CAMTA1: variants seen among roughly 807,000 people sequenced by gnomAD.
CAMTA1 encodes the protein calmodulin binding transcription activator 1, also known as calmodulin-binding transcription activator 1.
CAMTA1 carries 27 observed loss-of-function variants against 170.9 expected under a neutral mutation model. The ratio of observed to expected loss-of-function variants is 0.16; its 90% CI spans 0.12 to 0.22. The LOEUF is 0.22. Among genes scored for constraint, CAMTA1 ranks in the 10% least tolerant of loss-of-function variants. CAMTA1 has a pLI of 1.00. For synonymous variants in CAMTA1, 833 were observed against 891.5 expected (o/e 0.93, Z 1.17); for missense variants, 1,619 against 2,217.2 (o/e 0.73, Z 5.42).
In CAMTA1 at chr1:7,041,233, C is replaced by T. The variant is rs763196585; in HGVS notation, c.235-50071C>T. 1.3e-5 allele frequency among the ~76,000 whole-genome samples: 2 copies of T among 152,242 alleles called. No homozygotes were observed. The highest frequency in any genetic ancestry group is 2.9e-5 in the Non-Finnish European group (2 of 68,048). ...ACGGCCCCGGAGCTGGAGCTTCTACCGAAGGGTTGCCCTCTGTCCCCTTCT... is the reference window on the plus strand; with the variant it reads ...ACGGCCCCGGAGCTGGAGCTTCTACTGAAGGGTTGCCCTCTGTCCCCTTCT... On this transcript the variant is annotated intron_variant, in intron 3 of 22. Transcript: ENST00000303635. The surrounding 1 kb of genome is among the most constrained non-coding windows in gnomAD (Gnocchi z 5.1).
chr1:7,130,334 C>A (rs547833397), intron 4 of CAMTA1, among the ~76,000 whole-genome samples: 1 of 152,026 alleles, frequency 6.6e-6, no homozygotes. Context: ...AGTAGTATTC[C>A]GTTTTATAGA....
At chr1:7,550,889 C>G (rs910671164) in intron 6 of CAMTA1, among the ~76,000 whole-genome samples, 1 of 151,924 alleles carries the variant, frequency 6.6e-6, no homozygotes, top group Non-Finnish European at 1.5e-5. Flanking sequence ...CTCTCCCAGG[C>G]CCAGCAGCAG....
intron 1 of CAMTA1, among the ~76,000 whole-genome samples, chr1:6,798,894 G>T (rs1350574513): frequency 1.3e-5 from 2 of 151,772 alleles, no homozygotes; most frequent in Non-Finnish European, 2.9e-5. Context: ...CCACCTCCAC[G>T]CCTGGCTAAA....
rs75331045 is a variant in CAMTA1, at chr1:7,267,750, A to G, written c.438+18124A>G. Among the ~76,000 whole-genome samples the G allele has an allele frequency of 1.4e-3, 207 of 152,190 alleles. 1 individual carries two copies. The highest frequency in any genetic ancestry group is 4.7e-3 in the African/African-American group (196 of 41,512). Reference sequence around the variant, plus strand: ...AGTCATTTGCTGAGATGGCAAAGGGATTGGTTGTCATGAGGGCTGCTAGTG... The same window carrying G: ...AGTCATTTGCTGAGATGGCAAAGGGGTTGGTTGTCATGAGGGCTGCTAGTG... On this transcript the variant is annotated intron_variant, in intron 5 of 22. Transcript: ENST00000303635.
At chr1:7,162,119 A>G (rs1164268533) in intron 4 of CAMTA1, among the ~76,000 whole-genome samples, 1 of 152,192 alleles carries the variant, frequency 6.6e-6, no homozygotes, top group Non-Finnish European at 1.5e-5. Context: ...TTAGAGGAAT[A>G]GAAAGAAGGC....
chr1:7,571,243 C>A (rs1272580411), intron 6 of CAMTA1, among the ~76,000 whole-genome samples: 4 of 152,172 alleles, frequency 2.6e-5, no homozygotes, highest in African/African-American at 9.7e-5. Context: ...CTTCTCACTG[C>A]GTCCTCACAG....
chr1:6,997,521 A>C (rs537681099), intron 3 of CAMTA1, among the ~76,000 whole-genome samples: 1 of 151,884 alleles, frequency 6.6e-6, no homozygotes, highest in Non-Finnish European at 1.5e-5. Flanking sequence ...GTTTTTACAC[A>C]TCTCTCTAAT....
Position 7,158,275 on chromosome 1 carries a change from A to G in CAMTA1, c.302+66904A>G, listed in dbSNP as rs542679674. On this transcript the variant is annotated intron_variant, in intron 4 of 22. Transcript: ENST00000303635. The stretch of plus-strand genomic sequence containing the variant: ...AGAGTACATGTTATATGTTTCATTT[A>G]TATCAACTTCTAGATTAGGCAAAAG... Among the ~76,000 whole-genome samples, 4 of 152,348 alleles carry G rather than the reference A, an allele frequency of 2.6e-5. No homozygotes were observed. In the East Asian group the frequency reaches 5.8e-4, roughly 22 times the overall value.
intron 6 of CAMTA1, among the ~76,000 whole-genome samples, chr1:7,590,000 C>A (rs1223079215): frequency 2.6e-5 from 4 of 152,148 alleles, no homozygotes; most frequent in Admixed American, 1.3e-4. Context: ...CCTTTGCACA[C>A]CCTGGCTTGG....
At chr1:7,660,464 C>T (rs773920094) in intron 7 of CAMTA1, among the ~76,000 whole-genome samples, 4 of 152,174 alleles carry the variant, frequency 2.6e-5, no homozygotes, top group Non-Finnish European at 5.9e-5. Context: ...CTTGAACCCA[C>T]GAGGCCGAGT....
chr1:7,575,453 A>C (rs551993954), intron 6 of CAMTA1, among the ~76,000 whole-genome samples: 1 of 152,332 alleles, frequency 6.6e-6, no homozygotes, highest in East Asian at 1.9e-4. Context: ...GGCAGAATCC[A>C]GTTTACAGAA....
chr1:7,027,409 C>G (rs577348835), intron 3 of CAMTA1, among the ~76,000 whole-genome samples: 1 of 152,140 alleles, frequency 6.6e-6, no homozygotes, highest in African/African-American at 2.4e-5. Flanking sequence ...GGGGAAGGGA[C>G]AAGTTGAACC....
chr1:7,394,744 G>A (rs1182441822), intron 5 of CAMTA1, among the ~76,000 whole-genome samples: 1 of 151,138 alleles, frequency 6.6e-6, no homozygotes, highest in African/African-American at 2.4e-5. Context: ...TGCTTTTGAG[G>A]TATTATTTTT....
At position 7,213,526 on chromosome 1, in the gene CAMTA1, G is replaced by A. The variant is rs146890826; in HGVS notation, c.303-35965G>A. ...ATACCAGTCATTTTTCTGAGAGGTG[G>A]TTTGCAAATATTTTCTCCTAATTTG... On this transcript the variant is annotated intron_variant, in intron 4 of 22. Transcript: ENST00000303635. Among the ~76,000 whole-genome samples the A allele has an allele frequency of 6.5e-3, 988 of 152,084 alleles. 6 individuals carry two copies. The highest frequency in any genetic ancestry group is 0.023 in the African/African-American group (945 of 41,476).
chr1:7,252,699 T>C (rs1230855542), intron 5 of CAMTA1, among the ~76,000 whole-genome samples: 2 of 152,236 alleles, frequency 1.3e-5, no homozygotes, highest in Non-Finnish European at 2.9e-5. Flanking sequence ...CCAGCTACTC[T>C]TCTGCTGGTT....
rs1473221842 is a variant in CAMTA1 at position 6,963,281 on chromosome 1, C to G, written c.235-128023C>G. Among the ~76,000 whole-genome samples, 6 of 74,854 alleles carry G rather than the reference C, an allele frequency of 8.0e-5. 1 individual carries two copies. The highest frequency in any genetic ancestry group is 2.5e-4 in the African/African-American group (6 of 24,350). 49.1% of individuals were successfully genotyped at this position (74,854 alleles called of 152,430 possible). ...CCTCCCACCCACCTGGCCCCCCCCC[C>G]CCCCCCGCTTTCCATCCCGGCCTTG... is the stretch of plus-strand genomic sequence containing the variant. On this transcript the variant is annotated intron_variant, in intron 3 of 22. Coordinates refer to ENST00000303635, the MANE Select transcript of CAMTA1 (RefSeq NM_015215.4).
Position 7,070,473 on chromosome 1 carries a change from A to G in CAMTA1, c.235-20831A>G, listed in dbSNP as rs568907276. On this transcript the variant is annotated intron_variant, in intron 3 of 22. Coordinates refer to ENST00000303635, the MANE Select transcript of CAMTA1 (RefSeq NM_015215.4). ...GTCGCTGTTGTCTTCCCGCAGCGAT[A>G]GAATGAGGCTCTGCAGTGATTTCTT... is the stretch of plus-strand genomic sequence containing the variant. Among the ~76,000 whole-genome samples, 3 of 152,362 alleles carry G rather than the reference A, an allele frequency of 2.0e-5. No homozygotes were observed. The East Asian group carries it at 5.8e-4, about 29-fold the overall frequency.
rs560360742 is a variant in CAMTA1 at position 7,064,852 on chromosome 1, C to T, written c.235-26452C>T. ...GTTGGTCTAGGAGCTGGTTGGGTGA[C>T]TCCTGCTGCCATCTAGGCAAGACAT... On this transcript the variant is annotated intron_variant, in intron 3 of 22. Transcript: ENST00000303635. This position sits in a 1 kb window ranked among gnomAD's most constrained non-coding sequence, Gnocchi z 5.4. 6.6e-6 allele frequency among the ~76,000 whole-genome samples: 1 copy of T among 152,128 alleles called. No individual in the cohort carries two copies. Among genetic ancestry groups the T allele is most frequent in the East Asian group, 1.9e-4 (1 of 5,170 alleles).
chr1:7,104,725 A>G (rs1397200757), intron 4 of CAMTA1, among the ~76,000 whole-genome samples: 1 of 152,154 alleles, frequency 6.6e-6, no homozygotes, highest in Non-Finnish European at 1.5e-5. Context: ...AGGCTTCAGG[A>G]GAGAAAGTGG....
Sources: allele counts gnomAD v4.1 joint callset (sites outside exome capture counted in the v4.1 genomes callset), GRCh38; gene constraint gnomAD v4.1.1; non-coding constraint Gnocchi (gnomAD v3.1); transcripts MANE v1.5; gene names NCBI Gene and HGNC (gene_info 2026-07-23, HGNC 2026-07-21).